MLIP: variants seen among roughly 807,000 people sequenced by gnomAD.
The protein encoded by MLIP is muscular LMNA interacting protein, also known as muscular LMNA-interacting protein.
MLIP carries 79 observed loss-of-function variants against 84.8 expected under a neutral mutation model. The ratio of observed to expected loss-of-function variants is 0.93; its 90% CI spans 0.78 to 1.12. The LOEUF (loss-of-function observed/expected upper bound fraction) is 1.12, where lower values mean the gene tolerates loss of function less well. MLIP is among the 50% of genes most tolerant of loss of function. MLIP has a pLI of 0.00. For missense variants in MLIP, 1,257 were observed against 1,160.6 expected, an observed-to-expected ratio of 1.08 and a Z score of -1.21; for synonymous variants, 504 against 463.0, an observed-to-expected ratio of 1.09 and a Z score of -1.14.
chr6:54,213,811 A>G (rs1582522285), intron 11 of MLIP, among the ~76,000 whole-genome samples: 1 of 151,342 alleles, frequency 6.6e-6, no homozygotes, highest in African/African-American at 2.4e-5. Context: ...TAATTCAAAG[A>G]TATCTACATG....
chr6:54,121,218 C>T (rs1337768526), intron 1 of MLIP, among the ~76,000 whole-genome samples: 4 of 152,184 alleles, frequency 2.6e-5, no homozygotes, highest in South Asian at 4.1e-4. Context: ...TCCCCTACAA[C>T]AGGATCTTCC....
At chr6:54,021,270 G>A (rs367871339) in intron 1 of MLIP, among the ~76,000 whole-genome samples, 3 of 151,792 alleles carry the variant, frequency 2.0e-5, no homozygotes, top group African/African-American at 7.3e-5. Flanking sequence ...GTAAAAGTCT[G>A]GTTTTTAAAA....
chr6:54,124,914 C>T (rs1770793673), intron 3 of MLIP, 49 bp downstream of exon 3: 1 of 1,505,466 alleles, frequency 6.6e-7, no homozygotes, highest in African/African-American at 1.4e-5. Flanking sequence ...AGCGTTTATG[C>T]ACCCTTTGTC....
At chr6:54,107,311 TA>T (rs1283145712), upstream of MLIP, among the ~76,000 whole-genome samples, 1 of 152,194 alleles carries the variant, frequency 6.6e-6, no homozygotes, top group Non-Finnish European at 1.5e-5. Flanking sequence ...TATACTACTA[TA>T]AGCAGTAATA....
chr6:54,163,414 T>G (rs1774860837), intron 8 of MLIP, among the ~76,000 whole-genome samples: 1 of 151,882 alleles, frequency 6.6e-6, no homozygotes, highest in Admixed American at 6.6e-5. Flanking sequence ...TTTCATGTTT[T>G]CTATTTAAAA....
chr6:54,266,133 T>A lies in MLIP; in HGVS notation c.*178T>A. ...ATTATATAGCATCACAGTGCTCTGC[T>A]AACAGCCAGCATAGAAGAGATTTAC... On this transcript the variant is annotated 3_prime_UTR_variant, in exon 14 of 14. Coordinates refer to ENST00000502396, the MANE Select transcript of MLIP (RefSeq NM_001281747.2). The A allele has an allele frequency of 1.6e-6, 1 of 628,240 alleles. No homozygotes were observed. The highest frequency in any genetic ancestry group is 2.8e-6 in the Non-Finnish European group (1 of 350,940). The allele number at this position is 628,240 out of a possible 1,614,324, so 38.9% of individuals were successfully genotyped here. A position where few individuals can be genotyped will look rare whatever the true frequency, so the allele number is the denominator to read the frequency against.
At chr6:54,044,450 A>G (rs1484931454) in intron 1 of MLIP, among the ~76,000 whole-genome samples, 2 of 152,180 alleles carry the variant, frequency 1.3e-5, no homozygotes, top group African/African-American at 2.4e-5. Context: ...AGATCTCTCA[A>G]TACTACTTAA....
chr6:54,238,829 T>A (rs1268768317), intron 12 of MLIP, among the ~76,000 whole-genome samples: 1 of 152,300 alleles, frequency 6.6e-6, no homozygotes, highest in East Asian at 1.9e-4. Flanking sequence ...TAAAAAAAAA[T>A]TATTTCATGC....
chr6:54,019,887 A>C (rs548548160), intron 1 of MLIP, among the ~76,000 whole-genome samples: 17 of 152,196 alleles, frequency 1.1e-4, no homozygotes, highest in Non-Finnish European at 2.4e-4. Flanking sequence ...AAACTAGAAA[A>C]ATGGAAAAAA....
Position 54,137,426 on chromosome 6 carries a change from C to CA in MLIP, c.1362dup (p.Glu455ArgfsTer9). 6.5e-7 allele frequency: 1 copy of CA among 1,535,970 alleles called. No homozygotes were observed. The highest frequency in any genetic ancestry group is 8.7e-7 in the Non-Finnish European group (1 of 1,146,834). ...GGCCTCTTCCACGCTCACACTTGAC[C>CA]AAAAAGAAAAGCAGACCCCACCCAC... On this transcript the variant is annotated frameshift_variant, in exon 4 of 14. Transcript: ENST00000502396. LOFTEE classifies it high-confidence loss of function.
In MLIP at chr6:54,231,234, A is replaced by G. The variant is rs540705829; in HGVS notation, c.2922+317A>G. On this transcript the variant is annotated intron_variant, in intron 12 of 13. Coordinates refer to ENST00000502396, the MANE Select transcript of MLIP (RefSeq NM_001281747.2). ...AAAACCTCACAAAATGCCATTATTA[A>G]TTTATATTCTAGTCTTAGTTCAGTG... is the stretch of plus-strand genomic sequence containing the variant. Among the ~76,000 whole-genome samples, 324 of 152,244 alleles carry G rather than the reference A, an allele frequency of 2.1e-3. 2 individuals carry two copies. Among genetic ancestry groups the G allele is most frequent in the African/African-American group, 7.5e-3 (310 of 41,528 alleles).
chr6:54,047,120 T>G (rs1192948000), intron 1 of MLIP: 3 of 152,190 alleles, frequency 2.0e-5, no homozygotes, highest in Non-Finnish European at 2.9e-5. Flanking sequence ...GCGTCAAAGT[T>G]ACGTGGTAGA....
At chr6:54,053,228 A>G (rs1765472816) in intron 1 of MLIP, among the ~76,000 whole-genome samples, 1 of 152,212 alleles carries the variant, frequency 6.6e-6, no homozygotes, top group Non-Finnish European at 1.5e-5. Flanking sequence ...GGGTTGAACC[A>G]TGTGGAATTC....
intron 1 of MLIP, among the ~76,000 whole-genome samples, chr6:54,085,016 A>T (rs1401057314): frequency 6.6e-6 from 1 of 152,184 alleles, no homozygotes; most frequent in East Asian, 1.9e-4. Context: ...GATAGACCAG[A>T]TTTGAAATCT....
chr6:54,192,178 T>C (rs1777982876), intron 10 of MLIP, among the ~76,000 whole-genome samples: 1 of 152,012 alleles, frequency 6.6e-6, no homozygotes, highest in South Asian at 2.1e-4. Flanking sequence ...TTTACTTAAG[T>C]CCTTTTCTCT....
At chr6:54,108,756 G>A (rs1769202950), upstream of MLIP, among the ~76,000 whole-genome samples, 1 of 152,154 alleles carries the variant, frequency 6.6e-6, no homozygotes, top group African/African-American at 2.4e-5. Flanking sequence ...AGGGGCTGAA[G>A]TATTTTCTCT....
At chr6:54,220,580 G>T (rs1467350421) in intron 11 of MLIP, among the ~76,000 whole-genome samples, 1 of 152,164 alleles carries the variant, frequency 6.6e-6, no homozygotes, top group Non-Finnish European at 1.5e-5. Context: ...GAAAAAGTGA[G>T]TAATGAGCCA....
intron 4 of MLIP, among the ~76,000 whole-genome samples, chr6:54,144,712 G>T (rs571498012): frequency 6.6e-6 from 1 of 152,174 alleles, no homozygotes. Flanking sequence ...TGGTCTGGGG[G>T]TTAGGGGCCC....
chr6:54,165,251 C>T (rs563295752), intron 8 of MLIP, among the ~76,000 whole-genome samples: 1 of 152,008 alleles, frequency 6.6e-6, no homozygotes, highest in African/African-American at 2.4e-5. Flanking sequence ...TTGCCACTTC[C>T]TCTCCACCCT....
Sources: gnomAD v4.1 joint callset for allele counts (sites outside exome capture counted in the v4.1 genomes callset) on GRCh38, gnomAD v4.1.1 for gene constraint, MANE v1.5 for transcripts, NCBI Gene and HGNC (gene_info 2026-07-23, HGNC 2026-07-21) for gene names.